Variants in C10orf67 observed in about 807,000 individuals in gnomAD.
The protein encoded by C10orf67 is uncharacterized protein C10orf67, mitochondrial.
In C10orf67, 60 loss-of-function variants were observed where a neutral mutation model predicts 35.6. The ratio of observed to expected loss-of-function variants is 1.68; its 90% CI spans 1.37 to 2.09. C10orf67 has a LOEUF of 2.09. C10orf67 is among the 30% of genes most tolerant of loss of function. The probability of loss-of-function intolerance (pLI) is 0.00; values close to 1 mark genes in which losing one functional copy is unlikely to be tolerated. For missense variants in C10orf67, 474 were observed against 330.2 expected, an observed-to-expected ratio of 1.44 and a Z score of -3.38; for synonymous variants, 167 against 115.8, an observed-to-expected ratio of 1.44 and a Z score of -2.84.
chr10:23,263,117 A>C (rs2132187640), intron 10 of C10orf67, among the ~76,000 whole-genome samples: 1 of 152,296 alleles, frequency 6.6e-6, no homozygotes, highest in African/African-American at 2.4e-5. Context: ...CCGGATAAAC[A>C]ACAGGTAAAG....
chr10:23,310,210 G>A (rs923782405), intron 4 of C10orf67, among the ~76,000 whole-genome samples: 3 of 151,968 alleles, frequency 2.0e-5, no homozygotes, highest in Non-Finnish European at 4.4e-5. Flanking sequence ...CTTAGACAAT[G>A]ACAACAAAAT....
At chr10:23,286,361 T>C (rs894515397) in intron 7 of C10orf67, among the ~76,000 whole-genome samples, 5 of 125,448 alleles carry the variant, frequency 4.0e-5, no homozygotes, top group African/African-American at 1.3e-4. Flanking sequence ...ATTGTACCAC[T>C]GTACTCTAGC....
intron 8 of C10orf67, among the ~76,000 whole-genome samples, chr10:23,272,430 A>G (rs1013995681): frequency 2.6e-5 from 4 of 152,184 alleles, no homozygotes; most frequent in African/African-American, 7.2e-5. Flanking sequence ...TTTCAGTACT[A>G]TTTGTTGAAA....
intron 7 of C10orf67, among the ~76,000 whole-genome samples, chr10:23,285,283 G>A: frequency 6.6e-6 from 1 of 150,414 alleles, no homozygotes; most frequent in African/African-American, 2.4e-5. Context: ...TCCAGTGCAT[G>A]TAAAGAAAAA....
At chr10:23,206,196 C>T (rs963018258) in intron 15 of C10orf67, among the ~76,000 whole-genome samples, 1 of 152,094 alleles carries the variant, frequency 6.6e-6, no homozygotes, top group African/African-American at 2.4e-5. Context: ...CAATGGTTAC[C>T]CCTTTTCAAA....
chr10:23,328,993 C>CAA (rs57772405), intron 2 of C10orf67, among the ~76,000 whole-genome samples: 538 of 78,368 alleles, frequency 6.9e-3, no homozygotes, highest in East Asian at 0.021. Flanking sequence ...CATAAACGAA[C>CAA]AAAAAAAAAA....
At chr10:23,289,430 C>G (rs1843646762) in intron 7 of C10orf67, among the ~76,000 whole-genome samples, 1 of 152,140 alleles carries the variant, frequency 6.6e-6, no homozygotes, top group Non-Finnish European at 1.5e-5. Context: ...TGCAAAGCTG[C>G]TAGGATTACA....
At chr10:23,284,553 G>A (rs1214616302) in intron 7 of C10orf67, among the ~76,000 whole-genome samples, 1 of 151,852 alleles carries the variant, frequency 6.6e-6, no homozygotes, top group Non-Finnish European at 1.5e-5. Context: ...ATTTAGCCAT[G>A]TGTGGTGCAT....
At chr10:23,306,200 CA>C (rs113048013) in intron 4 of C10orf67, among the ~76,000 whole-genome samples, 5 of 151,922 alleles carry the variant, frequency 3.3e-5, no homozygotes, top group East Asian at 1.9e-4. Context: ...ATGTAGAATC[CA>C]AAAAAGTTGA....
At chr10:23,285,253 A>G (rs1019871122) in intron 7 of C10orf67, among the ~76,000 whole-genome samples, 8 of 151,928 alleles carry the variant, frequency 5.3e-5, no homozygotes, top group African/African-American at 1.9e-4. Context: ...ATGTCCCTAT[A>G]TTCAATGTCT....
intron 8 of C10orf67, among the ~76,000 whole-genome samples, chr10:23,275,474 C>A (rs1393758610): frequency 6.6e-6 from 1 of 152,176 alleles, no homozygotes; most frequent in Non-Finnish European, 1.5e-5. Context: ...CCCTGCAGGC[C>A]TCTGGGTATT....
intron 12 of C10orf67, among the ~76,000 whole-genome samples, chr10:23,245,633 C>A (rs541985058): frequency 1.4e-4 from 21 of 152,120 alleles, no homozygotes; most frequent in Non-Finnish European, 2.9e-4. Flanking sequence ...CAGGAAAATT[C>A]AAATCAAAAC....
At position 23,290,495 on chromosome 10, in the gene C10orf67, G is replaced by A. The variant is rs7090683; in HGVS notation, c.851-537C>T. Among the ~76,000 whole-genome samples the A allele has an allele frequency of 0.19, 29,098 of 151,984 alleles. 3,071 individuals are homozygous for A. The highest frequency in any genetic ancestry group is 0.29 in the Admixed American group (4,414 of 15,282). ...CATCATGTAATTAACATAATCACTC[G>A]GATCACAGTTAAATGAAAAAATACG... On this transcript the variant is annotated intron_variant, in intron 6 of 15. Coordinates refer to ENST00000636213, the MANE Select transcript of C10orf67 (RefSeq NM_001371909.1).
Position 23,220,122 on chromosome 10 carries a change from T to C in C10orf67, c.1570+3476A>G, listed in dbSNP as rs147101817. ...AGGAATTTGAGACTGCAGTGAGCTA[T>C]GACTGGACCACTGCACTCCAGCCTG... On this transcript the variant is annotated intron_variant, in intron 15 of 15. Transcript: ENST00000636213. Among the ~76,000 whole-genome samples the C allele has an allele frequency of 1.8e-3, 277 of 152,064 alleles. 1 individual carries two copies. Among genetic ancestry groups the C allele is most frequent in the African/African-American group, 6.5e-3 (268 of 41,486 alleles).
chr10:23,262,306 T>C (rs1842770486), intron 10 of C10orf67, among the ~76,000 whole-genome samples: 1 of 135,710 alleles, frequency 7.4e-6, no homozygotes, highest in South Asian at 2.3e-4. Context: ...TGGAGAGAAA[T>C]CCACAGCTGA....
intron 13 of C10orf67, among the ~76,000 whole-genome samples, chr10:23,237,575 T>C (rs1842081493): frequency 6.6e-6 from 1 of 152,344 alleles, no homozygotes; most frequent in East Asian, 1.9e-4. Flanking sequence ...AGTAGAATAC[T>C]ACTCAGCATT....
chr10:23,286,358 C>T (rs1057460682), intron 7 of C10orf67, among the ~76,000 whole-genome samples: 3 of 122,452 alleles, frequency 2.4e-5, no homozygotes, highest in Non-Finnish European at 5.0e-5. Flanking sequence ...ATTATTGTAC[C>T]ACTGTACTCT....
At chr10:23,320,307 G>T (rs1053169086) in intron 4 of C10orf67, among the ~76,000 whole-genome samples, 1 of 152,180 alleles carries the variant, frequency 6.6e-6, no homozygotes, top group Non-Finnish European at 1.5e-5. Flanking sequence ...ACCACTAAAG[G>T]CAGGAATTTT....
intron 7 of C10orf67, among the ~76,000 whole-genome samples, chr10:23,284,784 C>T (rs1486351405): frequency 6.6e-6 from 1 of 152,156 alleles, no homozygotes; most frequent in Non-Finnish European, 1.5e-5. Context: ...GGTTGTGGAA[C>T]TGTTTATGAA....
Sources: allele counts gnomAD v4.1 joint callset (sites outside exome capture counted in the v4.1 genomes callset), GRCh38; gene constraint gnomAD v4.1.1; transcripts MANE v1.5; gene names NCBI Gene and HGNC (gene_info 2026-07-23, HGNC 2026-07-21).